RBM45: variants seen among roughly 807,000 people sequenced by gnomAD.
RBM45 encodes the protein RNA binding motif protein 45, also known as RNA-binding protein 45.
RBM45 carries 39 observed loss-of-function variants against 58.5 expected under a neutral mutation model. That is an observed-to-expected ratio of 0.67 (90% CI 0.52 to 0.87). The LOEUF (loss-of-function observed/expected upper bound fraction) is 0.87, where lower values mean the gene tolerates loss of function less well. RBM45 is among the 40% of genes least tolerant of loss of function. RBM45 has a pLI of 0.00. For missense variants in RBM45, 481 were observed against 581.6 expected (o/e 0.83, Z 1.78); for synonymous variants, 193 against 203.0 (o/e 0.95, Z 0.42).
At chr2:178,122,509 C>T (rs1461847359) in intron 5 of RBM45, among the ~76,000 whole-genome samples, 1 of 152,108 alleles carries the variant, frequency 6.6e-6, no homozygotes, top group African/African-American at 2.4e-5. Context: ...CGATCATATG[C>T]GTCATTCTCT....
intron 5 of RBM45, among the ~76,000 whole-genome samples, chr2:178,121,822 G>T (rs895738530): frequency 2.4e-4 from 37 of 151,944 alleles, no homozygotes; most frequent in Non-Finnish European, 5.3e-4. Context: ...GCATCTAAAT[G>T]CCCTGCTTCT....
downstream of RBM45, among the ~76,000 whole-genome samples, chr2:178,133,161 C>T (rs1420334948): frequency 6.6e-6 from 1 of 152,030 alleles, no homozygotes; most frequent in Non-Finnish European, 1.5e-5. Context: ...CTGGTTTTTC[C>T]TCAGTTAATA....
downstream of RBM45, among the ~76,000 whole-genome samples, chr2:178,134,305 A>G (rs1374221380): frequency 6.6e-6 from 1 of 152,202 alleles, no homozygotes; most frequent in East Asian, 1.9e-4. Context: ...GAACTGTGTG[A>G]AAAGGCAAGT....
chr2:178,127,720 T>G (rs890500988), intron 9 of RBM45, among the ~76,000 whole-genome samples: 1 of 152,218 alleles, frequency 6.6e-6, no homozygotes, highest in Non-Finnish European at 1.5e-5. Context: ...TAAGAATGAA[T>G]TCTGTTTGGA....
At chr2:178,138,491 A>G (rs2088062713) in exon 4 of RBM45, 1 of 152,146 alleles carries the variant, frequency 6.6e-6, no homozygotes, top group Non-Finnish European at 1.5e-5. Flanking sequence ...TCTTCTACAC[A>G]TTTTAAATGC....
chr2:178,135,972 A>T (rs2088041637), intron 3 of RBM45, among the ~76,000 whole-genome samples: 1 of 152,230 alleles, frequency 6.6e-6, no homozygotes, highest in Admixed American at 6.5e-5. Flanking sequence ...GTAGGATTTT[A>T]AAAAATGGCT....
At chr2:178,132,636 G>A (rs2088014242), downstream of RBM45, among the ~76,000 whole-genome samples, 1 of 152,128 alleles carries the variant, frequency 6.6e-6, no homozygotes, top group Non-Finnish European at 1.5e-5. Flanking sequence ...TGTTGCCCAG[G>A]CTGGAGTACA....
chr2:178,126,308 A>G (rs941221257), intron 9 of RBM45, 124 bp downstream of exon 9: 31 of 478,922 alleles, frequency 6.5e-5, no homozygotes, highest in African/African-American at 5.3e-4. Context: ...AGAGCTTTGC[A>G]ACTATTTAAA....
chr2:178,117,892 A>C (rs2087798215), intron 2 of RBM45, among the ~76,000 whole-genome samples, 163 bp from the exon 3 acceptor site: 1 of 151,366 alleles, frequency 6.6e-6, no homozygotes, highest in South Asian at 2.1e-4. Context: ...CTTATCTATG[A>C]AATAAGCATA....
At chr2:178,115,701 T>A (rs1476961619) in intron 1 of RBM45, among the ~76,000 whole-genome samples, 2 of 152,108 alleles carry the variant, frequency 1.3e-5, no homozygotes, top group East Asian at 3.9e-4. Flanking sequence ...AGAGACCCCT[T>A]TAAAGGAAAA....
Position 178,123,553 on chromosome 2 carries a change from A to G in RBM45, c.885A>G (p.Ala295=). Reference sequence around the variant, plus strand: ...GAGTGGTTCAGTATTTTAATGTAGCATCAGCTATTTATGCAAAATACAAAT... The same window carrying G: ...GAGTGGTTCAGTATTTTAATGTAGCGTCAGCTATTTATGCAAAATACAAAT... ...GHGVVQYFNV[A]SAIYAKYKLH... is the part of the protein sequence containing the mutation. Residue 295 remains alanine (A), a synonymous_variant, in exon 6 of 10, where the codon GCA becomes GCG. Coordinates refer to ENST00000286070, the MANE Select transcript of RBM45 (RefSeq NM_152945.4). The G allele has an allele frequency of 6.2e-7, 1 of 1,603,178 alleles. No homozygotes were observed. The highest frequency in any genetic ancestry group is 8.5e-7 in the Non-Finnish European group (1 of 1,176,534).
Position 178,120,335 on chromosome 2 carries a change from C to T in RBM45, c.599C>T (p.Ser200Phe), listed in dbSNP as rs970462539. 1.2e-6 allele frequency: 2 copies of T among 1,613,276 alleles called. No individual in the cohort carries two copies. The highest frequency in any genetic ancestry group is 1.7e-6 in the Non-Finnish European group (2 of 1,179,556). The change falls in exon 4 of 10, where the codon TCT becomes TTT. Residue 200 changes from serine (S) to phenylalanine (F), a missense_variant. Coordinates refer to ENST00000286070, the MANE Select transcript of RBM45 (RefSeq NM_152945.4). The part of the protein sequence containing the change: ...AEPKNKASES[S>F]EQDYYSNMRQ... ...CCTAAAAATAAAGCATCTGAATCCTCTGAACAAGATTATTATAGTAATATG... is the reference window on the plus strand; with the variant it reads ...CCTAAAAATAAAGCATCTGAATCCTTTGAACAAGATTATTATAGTAATATG...
At chr2:178,112,948 G>A in intron 1 of RBM45, 102 bp downstream of exon 1, 2 of 1,259,902 alleles carry the variant, frequency 1.6e-6, no homozygotes, top group South Asian at 1.5e-5. Flanking sequence ...TGGAACATCC[G>A]TTCCCGGCAG....
In RBM45 at chr2:178,124,202, G is replaced by A. The variant is rs777542667; in HGVS notation, c.1144G>A (p.Ala382Thr). ...DVVLPSCKKK[A>T]PAETPVKERL... ...TGTACTTCCATCATGCAAAAAAAAA[G>A]CTCCTGCTGAAACTCCTGTGAAAGA... is the stretch of plus-strand genomic sequence containing the variant. The change falls in exon 8 of 10, where the codon GCT becomes ACT. Residue 382 changes from alanine to threonine, a missense_variant. Transcript: ENST00000286070. 1.2e-6 allele frequency: 2 copies of A among 1,609,040 alleles called. No homozygotes were observed. Among genetic ancestry groups the A allele is most frequent in the East Asian group, 2.2e-5 (1 of 44,804 alleles).
At chr2:178,138,560 A>G (rs2088063184) in exon 4 of RBM45, 1 of 152,126 alleles carries the variant, frequency 6.6e-6, no homozygotes, top group Admixed American at 6.6e-5. Context: ...ACTCATCCAA[A>G]TTGTAAAGGT....
intron 9 of RBM45, among the ~76,000 whole-genome samples, chr2:178,128,128 TGCAAGTAGCTG>T: frequency 6.6e-6 from 1 of 151,138 alleles, no homozygotes; most frequent in South Asian, 2.1e-4. Context: ...AGCTCAGCCT[TGCAAGTAGCTG>T]GGACTACAGG....
chr2:178,116,800 T>C (rs907944631), intron 2 of RBM45, among the ~76,000 whole-genome samples: 1 of 151,976 alleles, frequency 6.6e-6, no homozygotes, highest in Non-Finnish European at 1.5e-5. Context: ...GCCTGGCATG[T>C]AGAGGCGAAT....
At chr2:178,134,502 T>TA (rs2088029202), downstream of RBM45, among the ~76,000 whole-genome samples, 1 of 152,138 alleles carries the variant, frequency 6.6e-6, no homozygotes, top group Non-Finnish European at 1.5e-5. Flanking sequence ...TTTCTAGCAT[T>TA]AACAAGACAT....
chr2:178,112,991 G>A, intron 1 of RBM45, 145 bp downstream of exon 1: 2 of 856,576 alleles, frequency 2.3e-6, no homozygotes, highest in Non-Finnish European at 3.5e-6. Flanking sequence ...GGGGACAGGG[G>A]CTGCTTTGAG....
Sources: allele counts gnomAD v4.1 joint callset (sites outside exome capture counted in the v4.1 genomes callset), GRCh38; gene constraint gnomAD v4.1.1; transcripts MANE v1.5; gene names NCBI Gene and HGNC (gene_info 2026-07-23, HGNC 2026-07-21).